TUBGCP5: variants seen among roughly 807,000 people sequenced by gnomAD.
TUBGCP5 encodes the protein gamma-tubulin complex component 5.
In TUBGCP5, 98 loss-of-function variants were observed where a neutral mutation model predicts 134.7. That is an observed-to-expected ratio of 0.73 (90% CI 0.62 to 0.86). The LOEUF is 0.86. Ranked by LOEUF, TUBGCP5 falls within the 40% of genes least tolerant of loss-of-function variation. The pLI, the probability that TUBGCP5 is intolerant of heterozygous loss-of-function variation, is 0.00. For missense variants in TUBGCP5, 1,150 were observed against 1,244.8 expected, an observed-to-expected ratio of 0.92 and a Z score of 1.15; for synonymous variants, 456 against 431.4, an observed-to-expected ratio of 1.06 and a Z score of -0.71.
intron 6 of TUBGCP5, among the ~76,000 whole-genome samples, chr15:23,030,119 C>T (rs2066222001): frequency 6.6e-6 from 1 of 151,988 alleles, no homozygotes; most frequent in Admixed American, 6.6e-5. Flanking sequence ...CGCTTGAGGC[C>T]AGGAGGCAGA....
intron 3 of TUBGCP5, among the ~76,000 whole-genome samples, chr15:23,035,625 A>G (rs892799677): frequency 1.3e-5 from 2 of 151,520 alleles, no homozygotes; most frequent in Non-Finnish European, 2.9e-5. Flanking sequence ...ATCCTCACTC[A>G]CCCCACTGCA....
At chr15:22,983,676 T>C (rs889009176) in intron 23 of TUBGCP5, 1 of 152,094 alleles carries the variant, frequency 6.6e-6, no homozygotes, top group African/African-American at 2.4e-5. Flanking sequence ...AATAGAACAA[T>C]TGTAGTGGTA....
chr15:23,003,096 C>T lies in TUBGCP5; in HGVS notation c.2896G>A (p.Asp966Asn), dbSNP rs2064487271. 1 of 1,614,056 alleles carries T rather than the reference C, an allele frequency of 6.2e-7. No individual in the cohort carries two copies. The highest frequency in any genetic ancestry group is 1.7e-5 in the Admixed American group (1 of 60,006). The change falls in exon 21 of 23, where the codon GAC (aspartate) becomes AAC (asparagine). Residue 966 changes from aspartate (D) to asparagine (N), a missense_variant. Coordinates refer to ENST00000615383, the MANE Select transcript of TUBGCP5 (RefSeq NM_052903.6). ...GTGCCCAGGCCTGCCTGCCAACCGT[C>T]TGCAAACATGAGAGCCAAGTTCAAC... ...KVLNLALMFA[D>N]GWQAGLGTWR...
In TUBGCP5 at chr15:23,013,527, GC is replaced by G; in HGVS notation, c.1757-2197del. Among the ~76,000 whole-genome samples the G allele has an allele frequency of 1.3e-5, 2 of 152,272 alleles. No homozygotes were observed. Among genetic ancestry groups the G allele is most frequent in the Middle Eastern group, 3.4e-3 (1 of 292 alleles). On this transcript the variant is annotated intron_variant, in intron 13 of 22. Transcript: ENST00000615383. The surrounding 1 kb of genome is among the most constrained non-coding windows in gnomAD (Gnocchi z 4.5). ...TGTGACACAGTGTTGGTGACTGGAG[GC>G]CCAGGAGGGCAGTGTGGAGGCTTCC...
intron 22 of TUBGCP5, among the ~76,000 whole-genome samples, chr15:23,000,132 C>T (rs1286580007): frequency 6.6e-6 from 1 of 152,062 alleles, no homozygotes; most frequent in African/African-American, 2.4e-5. Flanking sequence ...GCTGGTCTTC[C>T]AACTCCTGAC....
At chr15:23,024,349 T>A (rs1238905672) in intron 9 of TUBGCP5, 156 bp from the exon 10 acceptor site, 2 of 766,364 alleles carry the variant, frequency 2.6e-6, no homozygotes, top group Non-Finnish European at 1.9e-6. Flanking sequence ...TATAATTTTA[T>A]ACACAAAGGA....
In TUBGCP5 at chr15:23,005,522, T is replaced by A. The variant is rs1415835154; in HGVS notation, c.2622A>T (p.Glu874Asp). The change falls in exon 19 of 23, where the codon GAA (glutamate) becomes GAT (aspartate). Residue 874 changes from glutamate to aspartate, a missense_variant. Physicochemically the swap from Glu to Asp is conservative, Grantham distance 45 (BLOSUM62 2). Transcript: ENST00000615383. ...TGCGATGAATCTGCTGTCTTACTGGTTCTTTTTGTGGTCCGAACTGAGCAA... is the reference window on the plus strand; with the variant it reads ...TGCGATGAATCTGCTGTCTTACTGGATCTTTTTGTGGTCCGAACTGAGCAA... ...DTVAQFGPQK[E>D]PVRQQIHRMF... is the part of the protein sequence containing the mutation. The A allele has an allele frequency of 1.2e-6, 2 of 1,614,092 alleles. No individual in the cohort carries two copies. Among genetic ancestry groups the A allele is most frequent in the African/African-American group, 2.7e-5 (2 of 74,926 alleles).
At chr15:23,030,499 T>A (rs1365476274) in intron 6 of TUBGCP5, among the ~76,000 whole-genome samples, 4 of 151,802 alleles carry the variant, frequency 2.6e-5, no homozygotes, top group African/African-American at 9.7e-5. Flanking sequence ...ATATCCTCCC[T>A]TATACTTTTT....
chr15:22,988,407 C>T (rs2063742846), intron 23 of TUBGCP5, among the ~76,000 whole-genome samples: 1 of 151,882 alleles, frequency 6.6e-6, no homozygotes, highest in South Asian at 2.1e-4. Flanking sequence ...GAATTTTGGC[C>T]TTCCAGCCCC....
At chr15:23,021,693 TAAG>T (rs2065707034) in intron 11 of TUBGCP5, among the ~76,000 whole-genome samples, 1 of 152,220 alleles carries the variant, frequency 6.6e-6, no homozygotes, top group African/African-American at 2.4e-5. Flanking sequence ...AGTGTTTATG[TAAG>T]AAAGCGTTAT....
intron 16 of TUBGCP5, among the ~76,000 whole-genome samples, chr15:23,007,451 G>C (rs1595837579): frequency 1.3e-5 from 2 of 152,244 alleles, no homozygotes; most frequent in Non-Finnish European, 2.9e-5. Flanking sequence ...GTGCTTAGTA[G>C]GCATCTACCA....
Position 23,004,145 on chromosome 15 carries a change from C to T in TUBGCP5, c.2795G>A (p.Arg932Lys), listed in dbSNP as rs1474470455. The T allele has an allele frequency of 6.2e-7, 1 of 1,613,514 alleles. No individual in the cohort carries two copies. Residue 932 changes from arginine to lysine, a missense_variant, in exon 20 of 23, where the codon AGG (arginine) becomes AAG (lysine). By Grantham distance (26) the Arg-to-Lys change is conservative. Transcript: ENST00000615383. Reference sequence around the variant, plus strand: ...CCGGTCATGGATGGTTGACAGATACCTATAGTGAATTTTAATCAATTGATC... The same window carrying T: ...CCGGTCATGGATGGTTGACAGATACTTATAGTGAATTTTAATCAATTGATC... ...DLDQLIKIHY[R>K]YLSTIHDRCL...
At position 23,013,395 on chromosome 15, in the gene TUBGCP5, G is replaced by A. The variant is rs188611183; in HGVS notation, c.1757-2064C>T. On this transcript the variant is annotated intron_variant, in intron 13 of 22. Coordinates refer to ENST00000615383, the MANE Select transcript of TUBGCP5 (RefSeq NM_052903.6). The surrounding 1 kb of genome is among the most constrained non-coding windows in gnomAD (Gnocchi z 4.5). ...CAGGAGGCGAAGTTCGCAGTGAGCC[G>A]AGATCGCGCCGCTGCACTCCAGCCT... is the stretch of plus-strand genomic sequence containing the variant. Among the ~76,000 whole-genome samples the A allele has an allele frequency of 3.9e-5, 6 of 151,966 alleles. No homozygotes were observed. The highest frequency in any genetic ancestry group is 9.7e-5 in the African/African-American group (4 of 41,384).
chr15:23,023,921 G>C (rs771204765), intron 10 of TUBGCP5, 26 bp downstream of exon 10: 1 of 1,608,908 alleles, frequency 6.2e-7, no homozygotes. Flanking sequence ...CGTGTAGTAT[G>C]AGTAAAGATG....
intron 13 of TUBGCP5, among the ~76,000 whole-genome samples, chr15:23,017,339 A>G (rs181128698): frequency 6.6e-6 from 1 of 152,288 alleles, no homozygotes; most frequent in East Asian, 1.9e-4. Context: ...CCCAACATAA[A>G]GAAGTAGTAA....
chr15:23,015,477 AC>A (rs1177672317), intron 13 of TUBGCP5, among the ~76,000 whole-genome samples: 1 of 151,768 alleles, frequency 6.6e-6, no homozygotes, highest in Non-Finnish European at 1.5e-5. Context: ...CCCGATCGCT[AC>A]TAAAAATACA....
intron 23 of TUBGCP5, among the ~76,000 whole-genome samples, chr15:22,992,956 A>AT (rs569607748): frequency 1.3e-5 from 2 of 152,070 alleles, no homozygotes; most frequent in Non-Finnish European, 2.9e-5. Flanking sequence ...TAAAAAAAAA[A>AT]GGAGACAGAA....
Position 23,003,103 on chromosome 15 carries a change from C to T in TUBGCP5, c.2889G>A (p.Met963Ile). 6.2e-7 allele frequency: 1 copy of T among 1,614,178 alleles called. No individual in the cohort carries two copies. Among genetic ancestry groups the T allele is most frequent in the South Asian group, 1.1e-5 (1 of 91,086 alleles). The change falls in exon 21 of 23, where the codon ATG becomes ATA. Residue 963 changes from methionine (M) to isoleucine (I), a missense_variant. Met to Ile is a conservative substitution (Grantham distance 10). Coordinates refer to ENST00000615383, the MANE Select transcript of TUBGCP5 (RefSeq NM_052903.6). Reference sequence around the variant, plus strand: ...GGCCTGCCTGCCAACCGTCTGCAAACATGAGAGCCAAGTTCAACACCTTCA... The same window carrying T: ...GGCCTGCCTGCCAACCGTCTGCAAATATGAGAGCCAAGTTCAACACCTTCA... ...AIMKVLNLALMFADGWQAGLG... is the reference protein window; with the variant it reads ...AIMKVLNLALIFADGWQAGLG...
chr15:22,993,418 A>C (rs1232104615), intron 23 of TUBGCP5, among the ~76,000 whole-genome samples: 2 of 148,100 alleles, frequency 1.4e-5, no homozygotes, highest in Non-Finnish European at 3.0e-5. Flanking sequence ...TTTTATTTTG[A>C]GACATGAACT....
Sources: allele counts gnomAD v4.1 joint callset (sites outside exome capture counted in the v4.1 genomes callset), GRCh38; gene constraint gnomAD v4.1.1; non-coding constraint Gnocchi (gnomAD v3.1); transcripts MANE v1.5; gene names NCBI Gene and HGNC (gene_info 2026-07-23, HGNC 2026-07-21).